SCN1A: variants seen among roughly 807,000 people sequenced by gnomAD.
SCN1A encodes the protein sodium channel protein type 1 subunit alpha.
SCN1A carries 13 observed loss-of-function variants against 193.7 expected under a neutral mutation model. That is an observed-to-expected ratio of 0.07 (90% CI 0.04 to 0.11). SCN1A has a LOEUF of 0.11. SCN1A is among the 10% of genes least tolerant of loss of function. The probability of loss-of-function intolerance (pLI) is 1.00; values close to 1 mark genes in which losing one functional copy is unlikely to be tolerated. For missense variants in SCN1A, 1,432 were observed against 2,451.1 expected, an observed-to-expected ratio of 0.58 and a Z score of 8.78; for synonymous variants, 781 against 843.6, an observed-to-expected ratio of 0.93 and a Z score of 1.29.
intron 23 of SCN1A, among the ~76,000 whole-genome samples, chr2:166,008,926 A>G (rs1692034399): frequency 6.6e-6 from 1 of 150,984 alleles, no homozygotes; most frequent in Non-Finnish European, 1.5e-5. Flanking sequence ...AAAGGCATGG[A>G]AAATAAGTCA....
intron 2 of SCN1A, among the ~76,000 whole-genome samples, chr2:166,086,525 A>G (rs1269180223): frequency 1.3e-5 from 2 of 152,042 alleles, no homozygotes; most frequent in African/African-American, 4.8e-5. Context: ...TAACTTATTG[A>G]ACATATATAT....
chr2:166,108,855 A>C (rs1688985917), intron 2 of SCN1A, among the ~76,000 whole-genome samples: 1 of 152,240 alleles, frequency 6.6e-6, no homozygotes, highest in East Asian at 1.9e-4. Context: ...GCTCAATGGA[A>C]ATGTTCTAAA....
intron 2 of SCN1A, among the ~76,000 whole-genome samples, chr2:166,087,525 G>A (rs1281273457): frequency 3.3e-5 from 5 of 152,080 alleles, no homozygotes; most frequent in African/African-American, 1.2e-4. Flanking sequence ...CTCTGGCCAT[G>A]TGGTCTCTAC....
At position 166,045,204 on chromosome 2, in the gene SCN1A, T is replaced by G. The variant is rs1466776374; in HGVS notation, c.1501A>C (p.Arg501=). 2 of 1,614,032 alleles carry G rather than the reference T, an allele frequency of 1.2e-6. No individual in the cohort carries two copies. The highest frequency in any genetic ancestry group is 2.7e-5 in the African/African-American group (2 of 74,918). The change falls in exon 13 of 29, where the codon AGG becomes CGG. Residue 501 remains arginine (R), a synonymous_variant. Coordinates refer to ENST00000674923, the MANE Select transcript of SCN1A (RefSeq NM_001165963.4). ...TGCTCTTTCTGTTTTCTTTTCTTCC[T>G]CCGATTTCTTCTTTCCTTAGCACTC... The part of the protein sequence containing the change: ...SKSAKERRNR[R]KKRKQKEQSG...
chr2:166,082,851 G>A (rs1685685699), intron 2 of SCN1A, among the ~76,000 whole-genome samples: 1 of 151,962 alleles, frequency 6.6e-6, no homozygotes, highest in African/African-American at 2.4e-5. Context: ...TGTCTATAAA[G>A]TAGTTTAATA....
Position 166,058,645 on chromosome 2 carries a change from C to T in SCN1A, c.308G>A (p.Ser103Asn), listed in dbSNP as rs760361423. 1.2e-6 allele frequency: 2 copies of T among 1,612,322 alleles called. No homozygotes were observed. Among genetic ancestry groups the T allele is most frequent in the South Asian group, 1.1e-5 (1 of 91,048 alleles). ...LNKGKAIFRF[S>N]ATSALYILTP... ...TAAAATGTACAGGGCAGAGGTGGCACTGAACCGGAAGATGGCCTTCCCTTT... is the reference window on the plus strand; with the variant it reads ...TAAAATGTACAGGGCAGAGGTGGCATTGAACCGGAAGATGGCCTTCCCTTT... The change falls in exon 5 of 29, where the codon AGT becomes AAT. Residue 103 changes from serine to asparagine, a missense_variant. By Grantham distance (46) the Ser-to-Asn change is conservative. This residue lies in a region of SCN1A where 123 missense variants were observed against 282.8 expected (regional missense o/e 0.43). Coordinates refer to ENST00000674923, the MANE Select transcript of SCN1A (RefSeq NM_001165963.4).
chr2:166,006,347 C>T (rs964145584), intron 23 of SCN1A, among the ~76,000 whole-genome samples: 3 of 151,010 alleles, frequency 2.0e-5, no homozygotes, highest in Admixed American at 6.6e-5. Flanking sequence ...TTCTGTCTCT[C>T]GAATATAAAC....
At chr2:166,094,451 TCA>T (rs1360030967) in intron 2 of SCN1A, among the ~76,000 whole-genome samples, 3 of 152,178 alleles carry the variant, frequency 2.0e-5, no homozygotes, top group African/African-American at 7.2e-5. Context: ...CCACATAAAG[TCA>T]CAGTTTTATA....
At chr2:166,029,500 T>G (rs895719286) in intron 19 of SCN1A, among the ~76,000 whole-genome samples, 4 of 152,178 alleles carry the variant, frequency 2.6e-5, no homozygotes, top group Non-Finnish European at 5.9e-5. Flanking sequence ...TTGCCATCTC[T>G]TAGAGACTAT....
intron 9 of SCN1A, among the ~76,000 whole-genome samples, 165 bp from the exon 10 acceptor site, chr2:166,049,114 T>C (rs531417247): frequency 2.0e-5 from 3 of 152,042 alleles, no homozygotes; most frequent in East Asian, 1.9e-4. Context: ...ATTCTAGATA[T>C]TCTATTAGAT....
intron 2 of SCN1A, among the ~76,000 whole-genome samples, chr2:166,121,250 C>A (rs1690564041): frequency 6.6e-6 from 1 of 151,996 alleles, no homozygotes. Flanking sequence ...TTATAGTTTT[C>A]TCTGCTCCTG....
chr2:166,125,324 T>C (rs916152735), intron 2 of SCN1A, among the ~76,000 whole-genome samples: 9 of 152,198 alleles, frequency 5.9e-5, no homozygotes, highest in African/African-American at 2.2e-4. Flanking sequence ...CTTTGTGCCC[T>C]TTGGCGAGTA....
chr2:166,028,262 A>G (rs1695066852), intron 19 of SCN1A, among the ~76,000 whole-genome samples: 2 of 152,218 alleles, frequency 1.3e-5, no homozygotes, highest in South Asian at 4.1e-4. Context: ...AATTGGAAAG[A>G]AAACAAAAAA....
At chr2:166,091,202 C>T (rs1686763139) in intron 2 of SCN1A, among the ~76,000 whole-genome samples, 2 of 152,122 alleles carry the variant, frequency 1.3e-5, no homozygotes, top group South Asian at 4.1e-4. Flanking sequence ...CATTTCTTTC[C>T]GGAGCAGCAC....
intron 2 of SCN1A, among the ~76,000 whole-genome samples, chr2:166,086,904 TA>T (rs1450247922): frequency 6.6e-5 from 10 of 152,248 alleles, no homozygotes; most frequent in African/African-American, 1.9e-4. Context: ...GAGTGGACAC[TA>T]CCAGATGTCC....
intron 2 of SCN1A, among the ~76,000 whole-genome samples, chr2:166,096,892 T>C (rs112990481): frequency 5.9e-5 from 9 of 152,366 alleles, no homozygotes; most frequent in African/African-American, 1.4e-4. Flanking sequence ...TTCTGAAATC[T>C]AGACCTCCAA....
rs771350643 is a variant in SCN1A, at chr2:166,047,594, C to T, written c.1170+33G>A. On this transcript the variant is annotated intron_variant, in intron 11 of 28. Transcript: ENST00000674923. ...CAATTGGTTTTCTTGTATACTTTTACTTAAATGGAGAGTGTGGCTCTTTAG... is the reference window on the plus strand; with the variant it reads ...CAATTGGTTTTCTTGTATACTTTTATTTAAATGGAGAGTGTGGCTCTTTAG... 5.6e-6 allele frequency: 9 copies of T among 1,610,878 alleles called. No individual in the cohort carries two copies. In the Admixed American group the frequency reaches 1.0e-4, roughly 18 times the overall value.
chr2:166,123,562 G>C (rs1302005347), intron 2 of SCN1A: 2 of 152,156 alleles, frequency 1.3e-5, no homozygotes, highest in African/African-American at 2.4e-5. Context: ...AACTGACTGT[G>C]AACAATCAAC....
At chr2:165,993,951 A>G (rs1182848415) in intron 28 of SCN1A, 195 bp downstream of exon 28, 2 of 603,382 alleles carry the variant, frequency 3.3e-6, no homozygotes, top group South Asian at 2.1e-5. Flanking sequence ...ATATTGTTCT[A>G]AATGGATAGA....
Sources: gnomAD v4.1 joint callset for allele counts (sites outside exome capture counted in the v4.1 genomes callset) on GRCh38, gnomAD v4.1.1 for gene constraint, gnomAD v4.1.1 regional missense constraint, MANE v1.5 for transcripts, NCBI Gene and HGNC (gene_info 2026-07-23, HGNC 2026-07-21) for gene names.